The following PTPRD variants were observed in gnomAD, a reference collection of about 807,000 sequenced individuals.
PTPRD encodes the protein protein tyrosine phosphatase receptor type D.
Under a neutral mutation model 214.5 loss-of-function variants are expected in PTPRD, and 34 were observed. The ratio of observed to expected loss-of-function variants is 0.16; its 90% CI spans 0.12 to 0.21. PTPRD has a LOEUF of 0.21. PTPRD is among the 10% of genes least tolerant of loss of function. The pLI, the probability that PTPRD is intolerant of heterozygous loss-of-function variation, is 1.00. For missense variants in PTPRD, 2,545 were observed against 2,398.7 expected (o/e 1.06, Z -1.27); for synonymous variants, 1,128 against 845.7 (o/e 1.33, Z -5.79).
chr9:10,402,033 A>G (rs1274170722), intron 2 of PTPRD, among the ~76,000 whole-genome samples: 3 of 151,634 alleles, frequency 2.0e-5, no homozygotes, highest in African/African-American at 4.8e-5. Flanking sequence ...TTTGAAAAAT[A>G]TTCATAAAGT....
chr9:8,460,304 G>T, intron 33 of PTPRD, 107 bp downstream of exon 33: 1 of 1,280,070 alleles, frequency 7.8e-7, no homozygotes, highest in Non-Finnish European at 1.1e-6. Context: ...AAATGGCACT[G>T]AAGTATTTCT....
At chr9:9,928,096 T>G (rs999013150) in intron 5 of PTPRD, among the ~76,000 whole-genome samples, 2 of 152,168 alleles carry the variant, frequency 1.3e-5, no homozygotes, top group African/African-American at 4.8e-5. Context: ...TTGAAAAGTA[T>G]TGTAGTGCTC....
rs1239091825 is a variant in PTPRD, at chr9:8,748,522, C to CAAAAAA, written c.-103-14582_-103-14577dup. On this transcript the variant is annotated intron_variant, in intron 11 of 45. Transcript: ENST00000381196. The stretch of plus-strand genomic sequence containing the variant: ...TTCACTCTATTAAATCCTGCAACTG[C>CAAAAAA]AAAAAAAAAAAAAAAAAAGAAAAAG... Among the ~76,000 whole-genome samples, 261 of 37,322 alleles carry CAAAAAA rather than the reference C, an allele frequency of 7.0e-3. 4 individuals are homozygous for CAAAAAA. Among genetic ancestry groups the CAAAAAA allele is most frequent in the Middle Eastern group, 0.024 (1 of 42 alleles). 24.5% of individuals were successfully genotyped at this position (37,322 alleles called of 152,430 possible). A position where few individuals can be genotyped will look rare whatever the true frequency, so the allele number is the denominator to read the frequency against.
At chr9:9,762,845 C>T (rs571252024) in intron 6 of PTPRD, among the ~76,000 whole-genome samples, 16 of 152,268 alleles carry the variant, frequency 1.1e-4, no homozygotes, top group African/African-American at 3.9e-4. Context: ...AGCTGGGTTG[C>T]CATAGCAAGA....
chr9:10,371,613 C>T (rs1435203750), intron 2 of PTPRD, among the ~76,000 whole-genome samples: 1 of 152,006 alleles, frequency 6.6e-6, no homozygotes, highest in Non-Finnish European at 1.5e-5. Flanking sequence ...ATATTCAATT[C>T]CCTTAACCCA....
At chr9:10,108,074 T>C (rs1563857185) in intron 3 of PTPRD, among the ~76,000 whole-genome samples, 1 of 152,108 alleles carries the variant, frequency 6.6e-6, no homozygotes, top group East Asian at 1.9e-4. Flanking sequence ...GTTGTGGGAA[T>C]AAGTGACATC....
At chr9:9,935,194 T>C (rs1335694743) in intron 5 of PTPRD, among the ~76,000 whole-genome samples, 1 of 151,902 alleles carries the variant, frequency 6.6e-6, no homozygotes, top group Admixed American at 6.6e-5. Flanking sequence ...TCACCACTCC[T>C]ATTCAACATA....
At chr9:9,248,887 T>C (rs2099974186) in intron 9 of PTPRD, among the ~76,000 whole-genome samples, 1 of 152,050 alleles carries the variant, frequency 6.6e-6, no homozygotes. Context: ...AGATTTCTAC[T>C]CTAAAGAATC....
chr9:9,763,502 A>G (rs1279319821), intron 6 of PTPRD, among the ~76,000 whole-genome samples: 3 of 152,210 alleles, frequency 2.0e-5, no homozygotes, highest in Admixed American at 1.3e-4. Context: ...TTTTAGTAAC[A>G]GTAAAATATC....
intron 3 of PTPRD, among the ~76,000 whole-genome samples, chr9:10,096,056 T>C (rs2098480588): frequency 6.6e-6 from 1 of 151,580 alleles, no homozygotes; most frequent in African/African-American, 2.4e-5. Context: ...ACAACTAATA[T>C]TCAGTAGGCT....
intron 8 of PTPRD, among the ~76,000 whole-genome samples, chr9:9,501,107 G>C (rs1471672668): frequency 1.3e-5 from 2 of 150,750 alleles, no homozygotes; most frequent in African/African-American, 4.9e-5. Flanking sequence ...ATAATTAATG[G>C]GCCAAAAAAA....
At chr9:8,614,675 G>C (rs369586933) in intron 14 of PTPRD, among the ~76,000 whole-genome samples, 2 of 152,008 alleles carry the variant, frequency 1.3e-5, no homozygotes, top group South Asian at 4.2e-4. Flanking sequence ...TAAGGGATCT[G>C]GCACATTGGG....
intron 3 of PTPRD, among the ~76,000 whole-genome samples, chr9:10,076,280 C>T (rs189280702): frequency 3.9e-5 from 6 of 152,194 alleles, no homozygotes; most frequent in Admixed American, 2.0e-4. Context: ...AACCACGGTA[C>T]TCATCATCCT....
intron 5 of PTPRD, among the ~76,000 whole-genome samples, chr9:9,776,269 G>A (rs1392940350): frequency 6.6e-6 from 1 of 152,048 alleles, no homozygotes; most frequent in Non-Finnish European, 1.5e-5. Flanking sequence ...CTCTACTGAG[G>A]CTAATTCTTT....
At chr9:8,820,501 A>T in intron 11 of PTPRD, among the ~76,000 whole-genome samples, 1 of 152,178 alleles carries the variant, frequency 6.6e-6, no homozygotes, top group East Asian at 1.9e-4. Flanking sequence ...AATATTAAGA[A>T]AGTAAGTGTT....
At chr9:10,208,437 C>A (rs1050324371) in intron 3 of PTPRD, among the ~76,000 whole-genome samples, 1 of 152,190 alleles carries the variant, frequency 6.6e-6, no homozygotes, top group Non-Finnish European at 1.5e-5. Flanking sequence ...GGGCGTGAAC[C>A]CGGGAGGCGG....
intron 14 of PTPRD, among the ~76,000 whole-genome samples, chr9:8,615,893 A>G (rs1418732373): frequency 1.3e-5 from 2 of 152,146 alleles, no homozygotes; most frequent in Non-Finnish European, 2.9e-5. Flanking sequence ...CTTCAATGAA[A>G]TATCAATATA....
At chr9:9,652,788 G>C (rs772333466) in intron 7 of PTPRD, among the ~76,000 whole-genome samples, 17 of 151,494 alleles carry the variant, frequency 1.1e-4, no homozygotes, top group African/African-American at 3.6e-4. Context: ...CTAATTTTTT[G>C]TATCTAGTAG....
intron 3 of PTPRD, among the ~76,000 whole-genome samples, chr9:10,046,062 C>T (rs1292643769): frequency 1.3e-5 from 2 of 151,566 alleles, no homozygotes; most frequent in African/African-American, 4.8e-5. Flanking sequence ...AAAATAATAC[C>T]TTCCTTTAAT....
Sources: allele counts gnomAD v4.1 joint callset (sites outside exome capture counted in the v4.1 genomes callset), GRCh38; gene constraint gnomAD v4.1.1; transcripts MANE v1.5; gene names NCBI Gene and HGNC (gene_info 2026-07-23, HGNC 2026-07-21).